The following DAB2IP variants were observed in gnomAD, a reference collection of about 807,000 sequenced individuals.
DAB2IP encodes the protein DAB2 interacting protein, also known as disabled homolog 2-interacting protein.
In DAB2IP, 28 loss-of-function variants were observed where a neutral mutation model predicts 107.2. The observed-to-expected ratio is 0.26, with a 90% confidence interval of 0.19 to 0.36. The LOEUF (loss-of-function observed/expected upper bound fraction) is 0.36. Among genes scored for constraint, DAB2IP ranks in the 10% least tolerant of loss-of-function variants. DAB2IP has a pLI of 1.00. For missense variants in DAB2IP, 1,400 were observed against 1,644.7 expected (o/e 0.85, Z 2.57); for synonymous variants, 755 against 706.4 (o/e 1.07, Z -1.09).
intron 3 of DAB2IP, among the ~76,000 whole-genome samples, chr9:121,742,514 G>A (rs1044127333): frequency 2.0e-5 from 3 of 152,222 alleles, no homozygotes; most frequent in African/African-American, 2.4e-5. Flanking sequence ...TGAGGGTGCC[G>A]TAGACCAGGT....
chr9:121,599,674 G>A lies in DAB2IP; in HGVS notation c.40+32446G>A, dbSNP rs1034189902. Among the ~76,000 whole-genome samples, 9 of 152,288 alleles carry A rather than the reference G, an allele frequency of 5.9e-5. No homozygotes were observed. The highest frequency in any genetic ancestry group is 2.2e-4 in the African/African-American group (9 of 41,574). On this transcript the variant is annotated intron_variant, in intron 1 of 16. Coordinates refer to the DAB2IP transcript ENST00000259371. This position sits in a 1 kb window ranked among gnomAD's most constrained non-coding sequence, Gnocchi z 6.9. Reference sequence around the variant, plus strand: ...TTTCCTGCAGCCGCCCGGCGACACCGCGACTCCGCCGCTTCGCAACCCTGG... The same window carrying A: ...TTTCCTGCAGCCGCCCGGCGACACCACGACTCCGCCGCTTCGCAACCCTGG...
At chr9:121,670,649 A>G (rs1414710798) in intron 1 of DAB2IP, among the ~76,000 whole-genome samples, 1 of 152,232 alleles carries the variant, frequency 6.6e-6, no homozygotes, top group Non-Finnish European at 1.5e-5. Context: ...TCTCAGGCTT[A>G]GAATTTCTCC....
At chr9:121,746,401 T>C (rs1184497678) in intron 3 of DAB2IP, among the ~76,000 whole-genome samples, 1 of 152,150 alleles carries the variant, frequency 6.6e-6, no homozygotes, top group African/African-American at 2.4e-5. Flanking sequence ...CACAGAGTTT[T>C]GTGTGTGTGT....
At chr9:121,780,848 A>T (rs768858267) in intron 14 of DAB2IP, among the ~76,000 whole-genome samples, 1 of 152,104 alleles carries the variant, frequency 6.6e-6, no homozygotes, top group Non-Finnish European at 1.5e-5. Context: ...CTGCCTGCAC[A>T]CCTGTCCTTC....
intron 1 of DAB2IP, among the ~76,000 whole-genome samples, chr9:121,601,673 ATAT>A (rs1830686918): frequency 6.6e-6 from 1 of 152,112 alleles, no homozygotes; most frequent in African/African-American, 2.4e-5. Context: ...GACTTTACAC[ATAT>A]TATTTTCTTG....
intron 2 of DAB2IP, among the ~76,000 whole-genome samples, chr9:121,685,604 C>T (rs576254545): frequency 1.3e-5 from 2 of 152,348 alleles, no homozygotes; most frequent in African/African-American, 2.4e-5. Context: ...CTCTCGTCTG[C>T]GAGCCTTGCT....
At chr9:121,783,959 C>T (rs1164004343) in exon 16 of DAB2IP, 3 of 237,026 alleles carry the variant, frequency 1.3e-5, no homozygotes, top group East Asian at 8.7e-5. Flanking sequence ...CAGGGCAGGG[C>T]GAGCTGCAGG....
rs895760943 is a variant in DAB2IP, at chr9:121,772,606, G to C, written c.2079-1G>C. ...CCCTGTGTGTGCTTGTCTCCCTGCA[G>C]TCTGATAGATTTCACCCGGTTACCG... On this transcript the variant is annotated splice_acceptor_variant, in intron 11 of 15. Transcript: ENST00000408936. LOFTEE classifies it high-confidence loss of function. This position sits in a 1 kb window ranked among gnomAD's most constrained non-coding sequence, Gnocchi z 4.7. 6.2e-7 allele frequency: 1 copy of C among 1,611,146 alleles called. No individual in the cohort carries two copies. Among genetic ancestry groups the C allele is most frequent in the Non-Finnish European group, 8.5e-7 (1 of 1,178,260 alleles).
intron 3 of DAB2IP, among the ~76,000 whole-genome samples, chr9:121,727,641 T>C (rs1831304115): frequency 6.6e-6 from 1 of 152,362 alleles, no homozygotes; most frequent in African/African-American, 2.4e-5. Context: ...CTCATCTCTC[T>C]GAGCCTCAAT....
At chr9:121,671,425 A>G (rs1203312163) in intron 1 of DAB2IP, among the ~76,000 whole-genome samples, 1 of 152,158 alleles carries the variant, frequency 6.6e-6, no homozygotes, top group Non-Finnish European at 1.5e-5. Flanking sequence ...CTTAACCTCA[A>G]CCACATCTGC....
At chr9:121,773,378 C>A (rs766387732) in exon 12 of DAB2IP, 1 of 1,596,100 alleles carries the variant, frequency 6.3e-7, no homozygotes, top group Non-Finnish European at 8.5e-7. Flanking sequence ...GACCCTCAAG[C>A]GGAACCCTGG....
In DAB2IP at chr9:121,698,090, CAG is replaced by C. The variant is rs1001330692; in HGVS notation, c.229-1230_229-1229del. Among the ~76,000 whole-genome samples the C allele has an allele frequency of 1.2e-4, 19 of 152,336 alleles. No homozygotes were observed. The highest frequency in any genetic ancestry group is 2.0e-4 in the Admixed American group (3 of 15,306). On this transcript the variant is annotated intron_variant, in intron 2 of 15. Transcript: ENST00000408936. This position sits in a 1 kb window ranked among gnomAD's most constrained non-coding sequence, Gnocchi z 4.1. ...AAACATCCACTGCTCCTCTTGAACA[CAG>C]AGAGGGCTGCCAAACTGACCCTTTA...
intron 3 of DAB2IP, among the ~76,000 whole-genome samples, chr9:121,730,102 A>C (rs1273805548): frequency 6.6e-6 from 1 of 151,976 alleles, no homozygotes; most frequent in Non-Finnish European, 1.5e-5. Context: ...TTCTCACTCC[A>C]CCTCGCTGCC....
intron 3 of DAB2IP, among the ~76,000 whole-genome samples, chr9:121,720,837 C>T (rs1830884323): frequency 6.6e-6 from 1 of 152,094 alleles, no homozygotes; most frequent in South Asian, 2.1e-4. Flanking sequence ...TTGCTGGGGA[C>T]AATTGTCTGT....
At chr9:121,573,858 A>C (rs1033103749) in intron 1 of DAB2IP, among the ~76,000 whole-genome samples, 1 of 152,142 alleles carries the variant, frequency 6.6e-6, no homozygotes, top group Non-Finnish European at 1.5e-5. Flanking sequence ...ATTTTGCTGC[A>C]GTCCTGAAAG....
intron 1 of DAB2IP, among the ~76,000 whole-genome samples, chr9:121,644,724 T>C (rs1832480817): frequency 6.6e-6 from 1 of 152,198 alleles, no homozygotes; most frequent in Non-Finnish European, 1.5e-5. Flanking sequence ...ATTTGACTCT[T>C]CCACAACCTC....
chr9:121,581,541 G>T (rs1830194660), intron 1 of DAB2IP, among the ~76,000 whole-genome samples: 1 of 152,192 alleles, frequency 6.6e-6, no homozygotes, highest in Admixed American at 6.5e-5. Context: ...CATTTTACAG[G>T]GGAGGAAACT....
intron 1 of DAB2IP, among the ~76,000 whole-genome samples, chr9:121,621,797 C>G (rs1178405555): frequency 7.3e-6 from 1 of 136,876 alleles, no homozygotes; most frequent in Non-Finnish European, 1.6e-5. Flanking sequence ...TAAGAGCATG[C>G]CACCACACCT....
chr9:121,690,443 A>G (rs573890688), intron 2 of DAB2IP, among the ~76,000 whole-genome samples: 1 of 152,278 alleles, frequency 6.6e-6, no homozygotes, highest in African/African-American at 2.4e-5. Context: ...CCCCTTAGCC[A>G]GGGCTGGCTG....
Sources: allele counts gnomAD v4.1 joint callset (sites outside exome capture counted in the v4.1 genomes callset), GRCh38; gene constraint gnomAD v4.1.1; non-coding constraint Gnocchi (gnomAD v3.1); transcripts MANE v1.5; gene names NCBI Gene and HGNC (gene_info 2026-07-23, HGNC 2026-07-21).